The following MAEA variants were observed in gnomAD, a reference collection of about 807,000 sequenced individuals.
The protein encoded by MAEA is E3 ubiquitin-protein transferase MAEA.
In MAEA, 22 loss-of-function variants were observed where a neutral mutation model predicts 46.2. The observed-to-expected ratio is 0.48, with a 90% CI of 0.34 to 0.68. The LOEUF is 0.68. Among genes scored for constraint, MAEA ranks in the 30% least tolerant of loss-of-function variants. The probability of loss-of-function intolerance (pLI) is 0.01; values close to 1 mark genes in which losing one functional copy is unlikely to be tolerated. For missense variants in MAEA, 393 were observed against 558.1 expected (o/e 0.70, Z 2.98); for synonymous variants, 246 against 222.6 (o/e 1.11, Z -0.94).
chr4:1,327,941 C>T (rs1345524676), intron 5 of MAEA, among the ~76,000 whole-genome samples: 1 of 152,180 alleles, frequency 6.6e-6, no homozygotes, highest in Non-Finnish European at 1.5e-5. Flanking sequence ...AGGTGGGCAT[C>T]CAGACCCCCG....
At position 1,338,529 on chromosome 4, in the gene MAEA, C is replaced by G; in HGVS notation, c.1007C>G (p.Ser336Cys). Residue 336 changes from serine (S) to cysteine (C), a missense_variant, in exon 8 of 9, where the codon TCC (serine) becomes TGC (cysteine). Ser to Cys is a moderately radical substitution (Grantham distance 112). This residue lies in a region of MAEA where 358 missense variants were observed against 537.9 expected (regional missense o/e 0.67). Coordinates refer to ENST00000303400, the MANE Select transcript of MAEA (RefSeq NM_001017405.3). ...CTGCCCATGGCCCACTGTGCCAACT[C>G]CCGCCTGGTCTGCAAGATTTCTGGC... The part of the protein sequence containing the change: ...QPLPMAHCAN[S>C]RLVCKISGDV... The G allele has an allele frequency of 1.2e-6, 2 of 1,613,392 alleles. No homozygotes were observed. The highest frequency in any genetic ancestry group is 1.7e-6 in the Non-Finnish European group (2 of 1,180,016).
chr4:1,326,707 G>A (rs537536012), intron 4 of MAEA, among the ~76,000 whole-genome samples: 83 of 151,316 alleles, frequency 5.5e-4, no homozygotes, highest in Non-Finnish European at 9.9e-4. Flanking sequence ...TCCTGGAAGC[G>A]CCCTCCCTTC....
intron 1 of MAEA, among the ~76,000 whole-genome samples, chr4:1,296,832 C>A (rs1734780185): frequency 6.6e-6 from 1 of 152,146 alleles, no homozygotes; most frequent in South Asian, 2.1e-4. Context: ...TCACTCGGCT[C>A]CCGTGACACC....
At chr4:1,318,517 G>A (rs1737607968) in intron 3 of MAEA, among the ~76,000 whole-genome samples, 5 of 152,198 alleles carry the variant, frequency 3.3e-5, no homozygotes. Context: ...TCCAAAAGAG[G>A]GCCTGGAGCT....
At chr4:1,292,902 T>TTC (rs1734243442) in intron 1 of MAEA, among the ~76,000 whole-genome samples, 1 of 150,252 alleles carries the variant, frequency 6.7e-6, no homozygotes, top group African/African-American at 2.4e-5. Flanking sequence ...TTTTTTTTTT[T>TTC]TTCTTTTTTG....
At chr4:1,324,000 G>A (rs1051320189) in intron 4 of MAEA, among the ~76,000 whole-genome samples, 1 of 151,554 alleles carries the variant, frequency 6.6e-6, no homozygotes, top group African/African-American at 2.4e-5. Context: ...GATGAGTTGA[G>A]ATTGGATGAG....
chr4:1,315,943 C>A (rs950336611), intron 3 of MAEA, among the ~76,000 whole-genome samples: 5 of 143,062 alleles, frequency 3.5e-5, no homozygotes, highest in Non-Finnish European at 7.6e-5. Context: ...TGAGGGCCTC[C>A]TCCCCAGCTG....
At position 1,311,981 on chromosome 4, in the gene MAEA, G is replaced by GCCCT; in HGVS notation, c.73_76dup (p.Tyr26SerfsTer17). ...TCACCATCCTCCTTCCTCTCCAGGT[G>GCCCT]CCCTACGAGACGCTGAACAAACGCT... On this transcript the variant is annotated frameshift_variant, in exon 2 of 9. Coordinates refer to ENST00000303400, the MANE Select transcript of MAEA (RefSeq NM_001017405.3). LOFTEE classifies it high-confidence loss of function. This position sits in a 1 kb window ranked among gnomAD's most constrained non-coding sequence, Gnocchi z 4.4. 1 of 1,606,330 alleles carries GCCCT rather than the reference G, an allele frequency of 6.2e-7. No individual in the cohort carries two copies. The highest frequency in any genetic ancestry group is 8.5e-7 in the Non-Finnish European group (1 of 1,173,868).
intron 7 of MAEA, chr4:1,337,213 C>T (rs1712890099): frequency 3.5e-6 from 2 of 575,752 alleles, no homozygotes; most frequent in South Asian, 2.1e-5. Context: ...AAGTGGCGCG[C>T]TTCCTCTCTC....
chr4:1,316,698 G>A (rs567038849), intron 3 of MAEA, among the ~76,000 whole-genome samples: 1 of 152,190 alleles, frequency 6.6e-6, no homozygotes, highest in South Asian at 2.1e-4. Context: ...GCTCCCACCT[G>A]GGGCATCATG....
intron 4 of MAEA, among the ~76,000 whole-genome samples, chr4:1,322,945 T>C (rs1357398334): frequency 0.34 from 24,015 of 70,600 alleles, 6,125 homozygotes; most frequent in Non-Finnish European, 0.39. Context: ...AATACCCACT[T>C]TTTTTTTTTT....
intron 2 of MAEA, among the ~76,000 whole-genome samples, chr4:1,313,053 C>A (rs542475477): frequency 7.9e-5 from 12 of 152,160 alleles, no homozygotes; most frequent in Admixed American, 6.5e-4. Context: ...GAAGGTGGGA[C>A]CCCACGGTAC....
chr4:1,330,887 C>T (rs1173509560), intron 5 of MAEA: 2 of 152,164 alleles, frequency 1.3e-5, no homozygotes, highest in African/African-American at 2.4e-5. Context: ...GATCAGGGAC[C>T]TGGGGTGCGA....
chr4:1,333,214 T>C (rs1712078005), intron 6 of MAEA, among the ~76,000 whole-genome samples: 1 of 151,804 alleles, frequency 6.6e-6, no homozygotes, highest in Non-Finnish European at 1.5e-5. Context: ...TAGTAGCACC[T>C]GCCTATAGTC....
intron 3 of MAEA, among the ~76,000 whole-genome samples, chr4:1,320,027 T>A (rs1359847145): frequency 7.3e-6 from 1 of 137,674 alleles, no homozygotes; most frequent in Non-Finnish European, 1.5e-5. Context: ...ATGAAGGGGC[T>A]CCAGAAAAGA....
chr4:1,294,666 G>A (rs2108850728), intron 1 of MAEA, among the ~76,000 whole-genome samples: 1 of 152,166 alleles, frequency 6.6e-6, no homozygotes, highest in Non-Finnish European at 1.5e-5. Flanking sequence ...GGGCTAGCAT[G>A]ATGGGGAGAC....
intron 3 of MAEA, among the ~76,000 whole-genome samples, chr4:1,317,843 C>G (rs1232072343): frequency 1.3e-5 from 2 of 152,160 alleles, no homozygotes; most frequent in African/African-American, 4.8e-5. Context: ...TCCGAAGTCT[C>G]CAGGTCATGA....
intron 1 of MAEA, among the ~76,000 whole-genome samples, chr4:1,300,261 C>T (rs1284869019): frequency 6.6e-6 from 1 of 152,140 alleles, no homozygotes; most frequent in Non-Finnish European, 1.5e-5. Context: ...CAGAGGATGC[C>T]GTGTTTCTGC....
intron 6 of MAEA, among the ~76,000 whole-genome samples, chr4:1,336,266 T>C (rs1289991955): frequency 6.6e-6 from 1 of 152,020 alleles, no homozygotes; most frequent in African/African-American, 2.4e-5. Context: ...AATCAGAGCG[T>C]TAAGTCAGCA....
Sources: allele counts gnomAD v4.1 joint callset (sites outside exome capture counted in the v4.1 genomes callset), GRCh38; gene constraint gnomAD v4.1.1; regional missense constraint gnomAD v4.1.1; non-coding constraint Gnocchi (gnomAD v3.1); transcripts MANE v1.5; gene names NCBI Gene and HGNC (gene_info 2026-07-23, HGNC 2026-07-21).